The following SGCZ variants were observed in gnomAD, a reference collection of about 807,000 sequenced individuals.
SGCZ encodes sarcoglycan zeta, also known as zeta-sarcoglycan.
Under a neutral mutation model 41.3 loss-of-function variants are expected in SGCZ, and 40 were observed. The observed-to-expected ratio is 0.97, with a 90% CI of 0.75 to 1.26. SGCZ has a LOEUF of 1.26. Ranked by LOEUF, SGCZ falls within the 50% of genes most tolerant of loss-of-function variation. SGCZ has a pLI of 0.00. For missense variants in SGCZ, 552 were observed against 369.8 expected, an observed-to-expected ratio of 1.49 and a Z score of -4.04; for synonymous variants, 206 against 137.5, an observed-to-expected ratio of 1.50 and a Z score of -3.49.
chr8:14,811,409 A>G (rs1801733207), intron 1 of SGCZ, among the ~76,000 whole-genome samples: 1 of 151,718 alleles, frequency 6.6e-6, no homozygotes, highest in South Asian at 2.1e-4. Context: ...GGCTTTGTTT[A>G]TAGATGAAAA....
At chr8:14,272,402 G>A (rs1051680781) in intron 3 of SGCZ, among the ~76,000 whole-genome samples, 2 of 152,202 alleles carry the variant, frequency 1.3e-5, no homozygotes, top group African/African-American at 2.4e-5. Flanking sequence ...CTATTGTCCT[G>A]AATAACCACC....
intron 5 of SGCZ, among the ~76,000 whole-genome samples, chr8:14,118,474 TA>T (rs1172661989): frequency 6.6e-6 from 1 of 152,256 alleles, no homozygotes; most frequent in East Asian, 1.9e-4. Flanking sequence ...CTTTGTCAGA[TA>T]AAGAGATTGC....
intron 4 of SGCZ, among the ~76,000 whole-genome samples, chr8:14,236,963 T>C (rs1044126052): frequency 6.6e-6 from 1 of 152,018 alleles, no homozygotes; most frequent in Non-Finnish European, 1.5e-5. Flanking sequence ...AATCTTAAAA[T>C]ATAATTTCAA....
intron 1 of SGCZ, among the ~76,000 whole-genome samples, chr8:14,686,987 C>A (rs552014289): frequency 1.0e-3 from 158 of 151,606 alleles, no homozygotes; most frequent in African/African-American, 3.8e-3. Context: ...AAATATAGGA[C>A]TATTTACAGG....
At chr8:14,296,818 C>T (rs910666144) in intron 3 of SGCZ, among the ~76,000 whole-genome samples, 3 of 151,896 alleles carry the variant, frequency 2.0e-5, no homozygotes, top group Non-Finnish European at 4.4e-5. Flanking sequence ...TTTAAAAATA[C>T]GTATCAAAAT....
At chr8:15,188,374 T>C (rs1800417352) in intron 1 of SGCZ, among the ~76,000 whole-genome samples, 1 of 152,114 alleles carries the variant, frequency 6.6e-6, no homozygotes, top group South Asian at 2.1e-4. Context: ...TATTTTAAAG[T>C]ATCTCTCTGT....
At chr8:14,739,146 C>G (rs1189913072) in intron 1 of SGCZ, among the ~76,000 whole-genome samples, 1 of 151,848 alleles carries the variant, frequency 6.6e-6, no homozygotes, top group African/African-American at 2.4e-5. Context: ...GAGAATAGTT[C>G]TTTAGGAAAA....
chr8:14,457,410 G>C (rs1327360665), intron 2 of SGCZ, among the ~76,000 whole-genome samples: 4 of 152,188 alleles, frequency 2.6e-5, no homozygotes, highest in African/African-American at 9.6e-5. Context: ...AACAACACCC[G>C]CTACTTAGCA....
intron 4 of SGCZ, among the ~76,000 whole-genome samples, chr8:14,209,405 A>G (rs1436754729): frequency 1.3e-5 from 2 of 151,446 alleles, no homozygotes; most frequent in African/African-American, 4.9e-5. Context: ...TCCTGACCTT[A>G]ATTTTCTTGG....
At chr8:14,578,703 C>G (rs915929415) in intron 1 of SGCZ, among the ~76,000 whole-genome samples, 1 of 152,062 alleles carries the variant, frequency 6.6e-6, no homozygotes, top group South Asian at 2.1e-4. Flanking sequence ...GTAATTTCAA[C>G]AAATTTCTTC....
intron 2 of SGCZ, among the ~76,000 whole-genome samples, chr8:14,399,799 GATA>G (rs1799022074): frequency 6.6e-6 from 1 of 152,028 alleles, no homozygotes; most frequent in African/African-American, 2.4e-5. Context: ...ACAAATAGCT[GATA>G]ATATTAATCT....
chr8:14,749,980 T>C (rs1341340787), intron 1 of SGCZ, among the ~76,000 whole-genome samples: 1 of 152,140 alleles, frequency 6.6e-6, no homozygotes, highest in Non-Finnish European at 1.5e-5. Context: ...TAAATTACAC[T>C]ATAAAAGTTG....
At chr8:15,179,322 G>C (rs991793007) in intron 1 of SGCZ, among the ~76,000 whole-genome samples, 5 of 152,114 alleles carry the variant, frequency 3.3e-5, no homozygotes, top group African/African-American at 9.7e-5. Flanking sequence ...TCCTTAGCTT[G>C]TTCTCTTTAG....
At chr8:14,517,791 GC>G (rs1324079535) in intron 2 of SGCZ, among the ~76,000 whole-genome samples, 7 of 151,316 alleles carry the variant, frequency 4.6e-5, no homozygotes, top group South Asian at 2.1e-4. Flanking sequence ...ATTTTTGATA[GC>G]TTTTTTTGAA....
At chr8:15,223,937 C>A (rs186214548) in intron 1 of SGCZ, among the ~76,000 whole-genome samples, 1 of 152,104 alleles carries the variant, frequency 6.6e-6, no homozygotes, top group Non-Finnish European at 1.5e-5. Flanking sequence ...TCACTGTAAC[C>A]TCCACCTCCT....
chr8:14,958,930 AT>A (rs1283802773), intron 1 of SGCZ, among the ~76,000 whole-genome samples: 1 of 152,148 alleles, frequency 6.6e-6, no homozygotes, highest in Admixed American at 6.6e-5. Flanking sequence ...TGATAGACAG[AT>A]TCTCTAAAAC....
intron 3 of SGCZ, among the ~76,000 whole-genome samples, chr8:14,240,914 C>A (rs1310826611): frequency 1.3e-5 from 2 of 152,100 alleles, no homozygotes; most frequent in African/African-American, 4.8e-5. Flanking sequence ...ATGAAAAAAT[C>A]TTTCAGTCAT....
intron 1 of SGCZ, among the ~76,000 whole-genome samples, chr8:15,056,619 T>A (rs747297144): frequency 6.6e-6 from 1 of 152,140 alleles, no homozygotes; most frequent in African/African-American, 2.4e-5. Context: ...TTTGTAACTG[T>A]ATTTTAATCT....
At chr8:14,230,874 C>T (rs1331239624) in intron 4 of SGCZ, among the ~76,000 whole-genome samples, 1 of 151,356 alleles carries the variant, frequency 6.6e-6, no homozygotes, top group Non-Finnish European at 1.5e-5. Flanking sequence ...TTGTGAAACA[C>T]GAAAGAGTAT....
Sources: gnomAD v4.1 joint callset for allele counts (sites outside exome capture counted in the v4.1 genomes callset) on GRCh38, gnomAD v4.1.1 for gene constraint, MANE v1.5 for transcripts, NCBI Gene and HGNC (gene_info 2026-07-23, HGNC 2026-07-21) for gene names.